Variants in AFF1 observed in about 807,000 individuals in gnomAD.
AFF1 encodes the protein ALF transcription elongation factor 1, also known as AF4/FMR2 family member 1.
Under a neutral mutation model 121.7 loss-of-function variants are expected in AFF1, and 48 were observed. The observed-to-expected ratio is 0.39, with a 90% CI of 0.31 to 0.50. The LOEUF is 0.50. Ranked by LOEUF, AFF1 falls within the 20% of genes least tolerant of loss-of-function variation. AFF1 has a pLI of 0.76. For synonymous variants in AFF1, 613 were observed against 563.0 expected (o/e 1.09, Z -1.26); for missense variants, 1,523 against 1,511.7 (o/e 1.01, Z -0.12).
At chr4:87,029,363 C>T (rs772445615) in intron 2 of AFF1, among the ~76,000 whole-genome samples, 6 of 152,280 alleles carry the variant, frequency 3.9e-5, no homozygotes, top group East Asian at 1.9e-4. Context: ...AGAGGTTTAA[C>T]GTTATGAAGA....
intron 2 of AFF1, among the ~76,000 whole-genome samples, chr4:86,991,220 G>A (rs1437075962): frequency 1.3e-5 from 2 of 152,004 alleles, no homozygotes; most frequent in African/African-American, 2.4e-5. Context: ...AGAGGCAGGC[G>A]GATCACGAGA....
At chr4:87,097,881 A>G (rs982523153) in intron 8 of AFF1, among the ~76,000 whole-genome samples, 2 of 152,200 alleles carry the variant, frequency 1.3e-5, no homozygotes, top group Non-Finnish European at 2.9e-5. Flanking sequence ...TTGTGTGGCA[A>G]ATCTCTTAGT....
chr4:86,990,841 A>C (rs1724644132), intron 2 of AFF1, among the ~76,000 whole-genome samples: 1 of 152,168 alleles, frequency 6.6e-6, no homozygotes, highest in Non-Finnish European at 1.5e-5. Flanking sequence ...TGATCTGCTT[A>C]TTTGAGCTTG....
intron 2 of AFF1, among the ~76,000 whole-genome samples, chr4:86,996,356 G>T (rs1359290674): frequency 2.6e-5 from 4 of 151,880 alleles, no homozygotes; most frequent in African/African-American, 9.7e-5. Context: ...AGACATGGGA[G>T]ACTTTTCATT....
intron 4 of AFF1, among the ~76,000 whole-genome samples, chr4:87,067,793 T>C (rs1006101700): frequency 2.0e-5 from 3 of 152,220 alleles, no homozygotes; most frequent in Non-Finnish European, 4.4e-5. Context: ...AAGAAAATTA[T>C]AGCCTGATTT....
intron 8 of AFF1, among the ~76,000 whole-genome samples, chr4:87,100,620 G>A (rs1367395871): frequency 3.9e-5 from 6 of 152,152 alleles, no homozygotes; most frequent in South Asian, 2.1e-4. Flanking sequence ...CTAGACTAGC[G>A]GGGATATTTT....
chr4:86,996,435 G>A (rs1479718566), intron 2 of AFF1, among the ~76,000 whole-genome samples: 1 of 151,754 alleles, frequency 6.6e-6, no homozygotes, highest in East Asian at 1.9e-4. Context: ...CCCCAACCCT[G>A]TGCTCTCTGA....
chr4:87,111,011 TA>T (rs1432488986), intron 11 of AFF1, among the ~76,000 whole-genome samples: 1,887 of 84,752 alleles, frequency 0.022, 515 homozygotes, highest in African/African-American at 0.091. Context: ...TTTTTTTTTT[TA>T]TTTTTTTTTT....
At position 87,134,516 on chromosome 4, in the gene AFF1, C is replaced by T. The variant is rs1226306738; in HGVS notation, c.3357C>T (p.Ala1119=). The part of the protein sequence containing the change: ...PSPLSPMPSP[A]SSVGSQSSAG... ...CTCTTTCCCCAATGCCTTCTCCTGC[C>T]AGCTCCGTAGGGTCCCAGTCAAGTG... The change falls in exon 20 of 21, where the codon GCC becomes GCT. Residue 1119 remains alanine, a synonymous_variant. Coordinates refer to ENST00000395146, the MANE Select transcript of AFF1 (RefSeq NM_001166693.3). 6.2e-7 allele frequency: 1 copy of T among 1,612,518 alleles called. No homozygotes were observed. Among genetic ancestry groups the T allele is most frequent in the African/African-American group, 1.3e-5 (1 of 74,884 alleles).
At chr4:87,007,311 G>T in intron 2 of AFF1, 1 of 1,590,218 alleles carries the variant, frequency 6.3e-7, no homozygotes. Context: ...ACGCGTCCCC[G>T]CCCGGCTCCG....
chr4:86,947,577 T>A (rs143594848), intron 1 of AFF1, among the ~76,000 whole-genome samples: 88 of 152,286 alleles, frequency 5.8e-4, no homozygotes, highest in African/African-American at 1.9e-3. Flanking sequence ...GCCTTAAGGA[T>A]GTTTGAAAAG....
At chr4:87,109,521 T>C (rs1450961991) in intron 11 of AFF1, among the ~76,000 whole-genome samples, 3 of 152,240 alleles carry the variant, frequency 2.0e-5, no homozygotes, top group Admixed American at 6.5e-5. Flanking sequence ...CTAATTGCTA[T>C]TGAAATAATT....
At position 87,049,107 on chromosome 4, in the gene AFF1, G is replaced by A. The variant is rs76905957; in HGVS notation, c.1059+1513G>A. Among the ~76,000 whole-genome samples the A allele has an allele frequency of 1.0e-4, 11 of 106,410 alleles. No individual in the cohort carries two copies. In the South Asian group the frequency reaches 2.8e-3, roughly 27 times the overall value. The allele number at this position is 106,410 out of a possible 152,430, so 69.8% of individuals were successfully genotyped here. A position where few individuals can be genotyped will look rare whatever the true frequency, so the allele number is the denominator to read the frequency against. On this transcript the variant is annotated intron_variant, in intron 4 of 20. Transcript: ENST00000395146. ...AAAAAAAAAAAAAAGGGGGGGGGGG[G>A]ACAACTTAACATTCTTTCTAAAAAT...
intron 2 of AFF1, among the ~76,000 whole-genome samples, chr4:87,037,813 A>T (rs1729720617): frequency 6.6e-6 from 1 of 152,136 alleles, no homozygotes; most frequent in African/African-American, 2.4e-5. Context: ...AAGATATGCA[A>T]AATATCTTAC....
At chr4:87,083,818 A>C (rs1723405903) in intron 4 of AFF1, among the ~76,000 whole-genome samples, 1 of 152,128 alleles carries the variant, frequency 6.6e-6, no homozygotes, top group South Asian at 2.1e-4. Flanking sequence ...GCCAGAGTGC[A>C]GTGGCATGAT....
chr4:87,021,436 A>G (rs1360089679), intron 2 of AFF1, among the ~76,000 whole-genome samples: 1 of 152,208 alleles, frequency 6.6e-6, no homozygotes, highest in Non-Finnish European at 1.5e-5. Context: ...AAATGAATGT[A>G]TTTTTAATGT....
chr4:87,010,484 C>T (rs1726629623), intron 2 of AFF1, among the ~76,000 whole-genome samples: 1 of 152,150 alleles, frequency 6.6e-6, no homozygotes, highest in African/African-American at 2.4e-5. Flanking sequence ...TTGCAACAAA[C>T]TTGCTTTCTT....
intron 4 of AFF1, among the ~76,000 whole-genome samples, chr4:87,073,814 G>A (rs777000420): frequency 8.3e-4 from 127 of 152,310 alleles, no homozygotes; most frequent in Middle Eastern, 3.4e-3. Context: ...AATTAAACAT[G>A]CTTCCTGAAC....
At chr4:87,095,279 T>C (rs557074020) in intron 8 of AFF1, among the ~76,000 whole-genome samples, 1 of 152,278 alleles carries the variant, frequency 6.6e-6, no homozygotes, top group South Asian at 2.1e-4. Flanking sequence ...CCACCATGCC[T>C]GACTAATTTT....
Sources: allele counts gnomAD v4.1 joint callset (sites outside exome capture counted in the v4.1 genomes callset), GRCh38; gene constraint gnomAD v4.1.1; transcripts MANE v1.5; gene names NCBI Gene and HGNC (gene_info 2026-07-23, HGNC 2026-07-21).